The following ZC2HC1B variants were observed in gnomAD, a reference collection of about 807,000 sequenced individuals.
ZC2HC1B encodes zinc finger C2HC-type containing 1B, also known as zinc finger C2HC domain-containing protein 1B.
ZC2HC1B carries 36 observed loss-of-function variants against 31.0 expected under a neutral mutation model. The ratio of observed to expected loss-of-function variants is 1.16; its 90% CI spans 0.89 to 1.54. The LOEUF is 1.54. ZC2HC1B is among the 40% of genes most tolerant of loss of function. The probability of loss-of-function intolerance (pLI) is 0.00; values close to 1 mark genes in which losing one functional copy is unlikely to be tolerated. For synonymous variants in ZC2HC1B, 73 were observed against 88.0 expected (o/e 0.83, Z 0.95); for missense variants, 260 against 268.6 (o/e 0.97, Z 0.22).
rs986749942 is a variant in ZC2HC1B at position 143,920,343 on chromosome 6, G to A, written c.598+17191G>A. Reference sequence around the variant, plus strand: ...TGGGAAAAGACAGCATGTCAGTTACGGTGTTGAAAATCAGAAAAGAATTTC... The same window carrying A: ...TGGGAAAAGACAGCATGTCAGTTACAGTGTTGAAAATCAGAAAAGAATTTC... On this transcript the variant is annotated intron_variant, in intron 6 of 7. Transcript: ENST00000237275. Among the ~76,000 whole-genome samples, 17 of 152,184 alleles carry A rather than the reference G, an allele frequency of 1.1e-4. No homozygotes were observed. The South Asian group carries it at 1.9e-3, about 17-fold the overall frequency.
intron 1 of ZC2HC1B, among the ~76,000 whole-genome samples, chr6:143,874,270 A>T (rs1777380991): frequency 6.6e-6 from 1 of 152,194 alleles, no homozygotes; most frequent in Non-Finnish European, 1.5e-5. Context: ...CTTATTGTTC[A>T]TATCACCATC....
At chr6:143,927,681 G>C (rs915511335) in intron 6 of ZC2HC1B, among the ~76,000 whole-genome samples, 16 of 152,032 alleles carry the variant, frequency 1.1e-4, no homozygotes, top group African/African-American at 3.9e-4. Context: ...TGGATCAAAG[G>C]GTAGTTCTAT....
chr6:143,910,479 G>T (rs1481193675), intron 6 of ZC2HC1B, among the ~76,000 whole-genome samples: 1 of 152,142 alleles, frequency 6.6e-6, no homozygotes, highest in Non-Finnish European at 1.5e-5. Flanking sequence ...TATCTATCAG[G>T]CCCACTTGAT....
Position 143,876,238 on chromosome 6 carries a change from A to C in ZC2HC1B, c.29-8066A>C, listed in dbSNP as rs35450923. Among the ~76,000 whole-genome samples, 507 of 150,408 alleles carry C rather than the reference A, an allele frequency of 3.4e-3. 37 individuals are homozygous for C. Among genetic ancestry groups the C allele is most frequent in the African/African-American group, 0.012 (489 of 40,768 alleles). ...GGGAGTTAAAATCCCTGAATTCATC[A>C]TTTTCTTTCATTACTCTGTCCCCTG... is the stretch of plus-strand genomic sequence containing the variant. On this transcript the variant is annotated intron_variant, in intron 1 of 7. Coordinates refer to ENST00000237275, the MANE Select transcript of ZC2HC1B (RefSeq NM_001013623.3).
chr6:143,923,723 ATTCTTAATGGC>A lies in ZC2HC1B; in HGVS notation c.599-13923_599-13913del, dbSNP rs1245515047. On this transcript the variant is annotated intron_variant, in intron 6 of 7. Transcript: ENST00000237275. The surrounding 1 kb of genome is among the most constrained non-coding windows in gnomAD (Gnocchi z 4.8). ...AAGAGGATGCCTTTCCCCAATTTAT[ATTCTTAATGGC>A]TTTGTTGAAAATCAGTTAGCTGTAA... 6.6e-6 allele frequency among the ~76,000 whole-genome samples: 1 copy of A among 151,994 alleles called. No individual in the cohort carries two copies. Among genetic ancestry groups the A allele is most frequent in the Non-Finnish European group, 1.5e-5 (1 of 67,916 alleles).
rs966209507 is a variant in ZC2HC1B, at chr6:143,868,692, A to T, written c.28+4125A>T. On this transcript the variant is annotated intron_variant, in intron 1 of 7. Coordinates refer to ENST00000237275, the MANE Select transcript of ZC2HC1B (RefSeq NM_001013623.3). This position sits in a 1 kb window ranked among gnomAD's most constrained non-coding sequence, Gnocchi z 4.2. The stretch of plus-strand genomic sequence containing the variant: ...CACAAGTCTACCTCTTGTCAACTTC[A>T]ACCCATACCCATCTCCTGAGATCAT... Among the ~76,000 whole-genome samples the T allele has an allele frequency of 6.6e-6, 1 of 152,210 alleles. No homozygotes were observed. The highest frequency in any genetic ancestry group is 2.4e-5 in the African/African-American group (1 of 41,454).
chr6:143,869,803 G>A lies in ZC2HC1B; in HGVS notation c.28+5236G>A, dbSNP rs1027841491. ...GCTGTAGTCAGGTCAGCTTTGGTGA[G>A]TGGAAGTCCATGTTGCTGAGTCCAT... On this transcript the variant is annotated intron_variant, in intron 1 of 7. Transcript: ENST00000237275. The surrounding 1 kb of genome is among the most constrained non-coding windows in gnomAD (Gnocchi z 5.2). Among the ~76,000 whole-genome samples the A allele has an allele frequency of 1.3e-5, 2 of 152,170 alleles. No homozygotes were observed. Among genetic ancestry groups the A allele is most frequent in the Non-Finnish European group, 2.9e-5 (2 of 68,026 alleles).
At position 143,886,718 on chromosome 6, in the gene ZC2HC1B, A is replaced by G. The variant is rs1464563232; in HGVS notation, c.246A>G (p.Gln82=). 4.5e-6 allele frequency: 7 copies of G among 1,546,110 alleles called. No homozygotes were observed. In the African/African-American group the frequency reaches 6.9e-5, roughly 15 times the overall value. ...TGAGGAAGTCTAACTGGAGACAACA[A>G]CATGAAGACTTTATTAATGCAATCC... ...PPVRKSNWRQ[Q]HEDFINAIRS... The change falls in exon 4 of 8, where the codon CAA becomes CAG. Residue 82 remains glutamine, a synonymous_variant. Coordinates refer to ENST00000237275, the MANE Select transcript of ZC2HC1B (RefSeq NM_001013623.3). This position sits in a 1 kb window ranked among gnomAD's most constrained non-coding sequence, Gnocchi z 4.2.
chr6:143,866,526 G>A (rs1777265131), intron 1 of ZC2HC1B, among the ~76,000 whole-genome samples: 1 of 152,212 alleles, frequency 6.6e-6, no homozygotes, highest in East Asian at 1.9e-4. Context: ...ACCATCATAA[G>A]TTGAGGACTG....
At position 143,913,697 on chromosome 6, in the gene ZC2HC1B, G is replaced by T. The variant is rs1314418048; in HGVS notation, c.598+10545G>T. Among the ~76,000 whole-genome samples the T allele has an allele frequency of 6.6e-6, 1 of 152,176 alleles. No homozygotes were observed. The highest frequency in any genetic ancestry group is 1.5e-5 in the Non-Finnish European group (1 of 68,040). ...CTCTGGTGGCATAGGCTCACAAGGG[G>T]ATCTCCTGATCCACAGGTTGCAAAG... On this transcript the variant is annotated intron_variant, in intron 6 of 7. Transcript: ENST00000237275. The surrounding 1 kb of genome is among the most constrained non-coding windows in gnomAD (Gnocchi z 5.7).
chr6:143,864,751 G>A (rs1409018717), intron 1 of ZC2HC1B, among the ~76,000 whole-genome samples, 184 bp downstream of exon 1: 2 of 152,188 alleles, frequency 1.3e-5, no homozygotes, highest in African/African-American at 2.4e-5. Context: ...ACCAACATTG[G>A]CTAGAAAAAA....
intron 1 of ZC2HC1B, among the ~76,000 whole-genome samples, chr6:143,875,728 A>C (rs1490738699): frequency 6.6e-6 from 1 of 150,642 alleles, no homozygotes; most frequent in African/African-American, 2.5e-5. Flanking sequence ...ATCTAGAAGC[A>C]AACAGAGGTG....
Position 143,903,185 on chromosome 6 carries a change from G to C in ZC2HC1B, c.598+33G>C, listed in dbSNP as rs752000780. The stretch of plus-strand genomic sequence containing the variant: ...AAAGCACGCATTTCATCTCTCAAAT[G>C]ATGGGGGTCAGAGGAGATCACTGTT... On this transcript the variant is annotated intron_variant, in intron 6 of 7. Coordinates refer to ENST00000237275, the MANE Select transcript of ZC2HC1B (RefSeq NM_001013623.3). This position sits in a 1 kb window ranked among gnomAD's most constrained non-coding sequence, Gnocchi z 4.3. The C allele has an allele frequency of 2.0e-6, 3 of 1,530,386 alleles. No homozygotes were observed. The highest frequency in any genetic ancestry group is 4.9e-5 in the East Asian group (2 of 40,804). The allele number at this position is 1,530,386 out of a possible 1,614,324, so 94.8% of individuals were successfully genotyped here.
intron 4 of ZC2HC1B, among the ~76,000 whole-genome samples, chr6:143,897,842 C>T (rs4140441): frequency 6.6e-6 from 1 of 152,206 alleles, no homozygotes; most frequent in African/African-American, 2.4e-5. Context: ...CTAAGACCCA[C>T]CCAGCACTAC....
At position 143,870,848 on chromosome 6, in the gene ZC2HC1B, G is replaced by A; in HGVS notation, c.28+6281G>A. Among the ~76,000 whole-genome samples the A allele has an allele frequency of 6.6e-6, 1 of 152,150 alleles. No homozygotes were observed. The highest frequency in any genetic ancestry group is 1.5e-5 in the Non-Finnish European group (1 of 68,030). The stretch of plus-strand genomic sequence containing the variant: ...ACCTCAAGTACCATTGGATCTGCTG[G>A]GTCATATGGCCCAATTGACAGAGCA... On this transcript the variant is annotated intron_variant, in intron 1 of 7. Transcript: ENST00000237275. This position sits in a 1 kb window ranked among gnomAD's most constrained non-coding sequence, Gnocchi z 4.7.
chr6:143,900,957 G>A (rs931535849), intron 5 of ZC2HC1B, among the ~76,000 whole-genome samples: 1 of 151,870 alleles, frequency 6.6e-6, no homozygotes, highest in African/African-American at 2.4e-5. Context: ...TCCGGCCTCA[G>A]CCTCCCAAGT....
Position 143,869,843 on chromosome 6 carries a change from C to T in ZC2HC1B, c.28+5276C>T, listed in dbSNP as rs183211668. 5.9e-5 allele frequency among the ~76,000 whole-genome samples: 9 copies of T among 152,312 alleles called. No individual in the cohort carries two copies. Among genetic ancestry groups the T allele is most frequent in the African/African-American group, 1.9e-4 (8 of 41,556 alleles). ...GCTGAGTCCATGCATAACCTTCATT[C>T]CTGCCACCATGGCCACTTTGTTCAT... On this transcript the variant is annotated intron_variant, in intron 1 of 7. Transcript: ENST00000237275. The surrounding 1 kb of genome is among the most constrained non-coding windows in gnomAD (Gnocchi z 5.2).
intron 5 of ZC2HC1B, 75 bp from the exon 6 acceptor site, chr6:143,902,969 G>C (rs945584112): frequency 1.5e-6 from 2 of 1,377,918 alleles, no homozygotes; most frequent in African/African-American, 2.9e-5. Flanking sequence ...AGTGGGAACA[G>C]CTGTACCTCC....
At position 143,899,930 on chromosome 6, in the gene ZC2HC1B, A is replaced by G. The variant is rs1777716385; in HGVS notation, c.489+1239A>G. On this transcript the variant is annotated intron_variant, in intron 5 of 7. Coordinates refer to ENST00000237275, the MANE Select transcript of ZC2HC1B (RefSeq NM_001013623.3). The surrounding 1 kb of genome is among the most constrained non-coding windows in gnomAD (Gnocchi z 5.0). ...TAGGAGAGCTATGGAAGAAGAAGTC[A>G]CTGCAATTCCTGGAAGTCTTCAAAG... 6.6e-6 allele frequency among the ~76,000 whole-genome samples: 1 copy of G among 152,230 alleles called. No homozygotes were observed. The highest frequency in any genetic ancestry group is 1.5e-5 in the Non-Finnish European group (1 of 68,030).
Sources: gnomAD v4.1 joint callset for allele counts (sites outside exome capture counted in the v4.1 genomes callset) on GRCh38, gnomAD v4.1.1 for gene constraint, Gnocchi (gnomAD v3.1) non-coding constraint, MANE v1.5 for transcripts, NCBI Gene and HGNC (gene_info 2026-07-23, HGNC 2026-07-21) for gene names.